Variants in RPS3 observed in about 807,000 individuals in gnomAD.
RPS3 encodes ribosomal protein S3, also known as small ribosomal subunit protein uS3.
A neutral mutation model predicts 25.8 loss-of-function variants in RPS3; 2 were observed. The ratio of observed to expected loss-of-function variants is 0.08; its 90% CI spans 0.03 to 0.24. The LOEUF is 0.24. RPS3 is among the 10% of genes least tolerant of loss of function. RPS3 has a pLI of 1.00. For synonymous variants in RPS3, 114 were observed against 114.2 expected (o/e 1.00, Z 0.01); for missense variants, 107 against 307.1 (o/e 0.35, Z 4.87).
At position 75,406,597 on chromosome 11, in the gene RPS3, G is replaced by GCGTA. The variant is rs1316101612; in HGVS notation, c.*989_*992dup. The GCGTA allele has an allele frequency of 2.6e-5, 4 of 152,136 alleles. No homozygotes were observed. The highest frequency in any genetic ancestry group is 5.9e-5 in the Non-Finnish European group (4 of 68,032). 9.4% of individuals were successfully genotyped at this position (152,136 alleles called of 1,614,324 possible). A position where few individuals can be genotyped will look rare whatever the true frequency, so the allele number is the denominator to read the frequency against. The stretch of plus-strand genomic sequence containing the variant: ...TTAATATTTGAGGTAATTATGTAGG[G>GCGTA]CGTACACTGACAAGTATCTGACCCC... On this transcript the variant is annotated 3_prime_UTR_variant, in exon 7 of 7. Transcript: ENST00000531188.
chr11:75,413,987 A>G (rs1245417804), intron 6 of RPS3, among the ~76,000 whole-genome samples: 1 of 152,192 alleles, frequency 6.6e-6, no homozygotes, highest in African/African-American at 2.4e-5. Flanking sequence ...AGTCTGGTCT[A>G]GGATGTCATC....
chr11:75,410,714 G>C (rs1263693595), downstream of RPS3, among the ~76,000 whole-genome samples: 96 of 149,342 alleles, frequency 6.4e-4, no homozygotes, highest in African/African-American at 2.3e-3. Flanking sequence ...CTGAGTGAAC[G>C]AGACTCCGTC....
At chr11:75,403,771 G>GAT in intron 4 of RPS3, 1 of 382,598 alleles carries the variant, frequency 2.6e-6, no homozygotes, top group Non-Finnish European at 4.7e-6. Flanking sequence ...TTTTATTTTA[G>GAT]CCTTCTGAGG....
intron 6 of RPS3, among the ~76,000 whole-genome samples, chr11:75,415,852 T>C (rs1244454780): frequency 1.3e-5 from 2 of 148,306 alleles, no homozygotes; most frequent in African/African-American, 5.0e-5. Flanking sequence ...GGCACATGCC[T>C]GTAATCCCAG....
chr11:75,409,434 T>G (rs1361166059), downstream of RPS3, among the ~76,000 whole-genome samples: 1 of 132,344 alleles, frequency 7.6e-6, no homozygotes, highest in African/African-American at 2.9e-5. Context: ...AAGCACATCT[T>G]GCACCGCCCT....
At chr11:75,408,896 T>C (rs182867156), downstream of RPS3, among the ~76,000 whole-genome samples, 2 of 152,310 alleles carry the variant, frequency 1.3e-5, no homozygotes, top group African/African-American at 4.8e-5. Flanking sequence ...AGGTGAGCAC[T>C]TGGTAACCAG....
rs775041504 is a variant in RPS3, at chr11:75,404,601, C to T, written c.539-71C>T. The T allele has an allele frequency of 2.7e-6, 4 of 1,472,228 alleles. No individual in the cohort carries two copies. The highest frequency in any genetic ancestry group is 3.8e-6 in the Non-Finnish European group (4 of 1,053,644). The allele number at this position is 1,472,228 out of a possible 1,614,324, so 91.2% of individuals were successfully genotyped here. A position where few individuals can be genotyped will look rare whatever the true frequency, so the allele number is the denominator to read the frequency against. ...CAGGGGTGCTTGAGTAAACTGCTTG[C>T]TCTCTTTGGTCTTGTGTGATGGGGG... On this transcript the variant is annotated intron_variant, in intron 5 of 6. Transcript: ENST00000531188. This position sits in a 1 kb window ranked among gnomAD's most constrained non-coding sequence, Gnocchi z 4.6.
chr11:75,413,955 G>C (rs1036735855), intron 6 of RPS3, among the ~76,000 whole-genome samples: 5 of 152,174 alleles, frequency 3.3e-5, no homozygotes, highest in Admixed American at 1.3e-4. Context: ...AGGGAACGCA[G>C]CCAAGGTCAT....
chr11:75,415,166 G>A (rs1312303090), intron 6 of RPS3, among the ~76,000 whole-genome samples: 2 of 152,210 alleles, frequency 1.3e-5, no homozygotes, highest in Non-Finnish European at 2.9e-5. Flanking sequence ...TTACTAAGGG[G>A]ACTTGAGATG....
intron 1 of RPS3, 60 bp downstream of exon 1, chr11:75,399,637 G>C: frequency 1.3e-6 from 2 of 1,498,504 alleles, no homozygotes; most frequent in South Asian, 1.1e-5. Context: ...AGGGCTTCTC[G>C]GGGTGCCACC....
At chr11:75,410,192 G>A (rs1177199141), downstream of RPS3, among the ~76,000 whole-genome samples, 4 of 151,832 alleles carry the variant, frequency 2.6e-5, no homozygotes, top group South Asian at 2.1e-4. Context: ...CCTCCTGGAC[G>A]GGGCGACTGG....
downstream of RPS3, among the ~76,000 whole-genome samples, chr11:75,410,158 G>A (rs573085515): frequency 1.3e-5 from 2 of 151,444 alleles, no homozygotes; most frequent in South Asian, 2.1e-4. Context: ...GGCTGGCCGG[G>A]CGGGGGGCTG....
chr11:75,405,838 T>A lies in RPS3; in HGVS notation c.*228T>A, dbSNP rs1948280226. The A allele has an allele frequency of 3.7e-6, 1 of 269,900 alleles. No homozygotes were observed. The highest frequency in any genetic ancestry group is 2.2e-5 in the African/African-American group (1 of 44,658). 16.7% of individuals were successfully genotyped at this position (269,900 alleles called of 1,614,324 possible). The stretch of plus-strand genomic sequence containing the variant: ...GCAGAGCCAACCAGAGAAATAATAT[T>A]TGTGTGATAGAGAAGGCTGATAGCA... On this transcript the variant is annotated 3_prime_UTR_variant, in exon 7 of 7. Transcript: ENST00000531188.
downstream of RPS3, among the ~76,000 whole-genome samples, chr11:75,409,482 C>G (rs1422211573): frequency 1.6e-5 from 2 of 128,046 alleles, no homozygotes; most frequent in Non-Finnish European, 3.3e-5. Flanking sequence ...GCACATGTTT[C>G]AGAGAGCACA....
chr11:75,410,333 C>T (rs1250963038), downstream of RPS3, among the ~76,000 whole-genome samples: 24 of 151,850 alleles, frequency 1.6e-4, no homozygotes, highest in South Asian at 4.8e-3. Flanking sequence ...GGCAGAGGCG[C>T]TCCTCACATC....
chr11:75,399,892 C>A, intron 1 of RPS3: 1 of 493,124 alleles, frequency 2.0e-6, no homozygotes, highest in Non-Finnish European at 3.6e-6. Context: ...GTGTCATTTC[C>A]CTCATGTCTT....
intron 6 of RPS3, among the ~76,000 whole-genome samples, chr11:75,416,211 C>T (rs1472027192): frequency 6.6e-6 from 1 of 152,170 alleles, no homozygotes; most frequent in African/African-American, 2.4e-5. Context: ...CCTATCACAG[C>T]AAGTGCCCAA....
At chr11:75,407,899 G>A (rs1348052018), downstream of RPS3, among the ~76,000 whole-genome samples, 3 of 152,212 alleles carry the variant, frequency 2.0e-5, no homozygotes, top group Non-Finnish European at 4.4e-5. Flanking sequence ...AGAAGTTAGT[G>A]CTGTTAATTC....
Position 75,406,763 on chromosome 11 carries a change from T to C in RPS3, c.*1153T>C, listed in dbSNP as rs1948293452. ...GGTCAAAAATAATCAAAAAGGATGG[T>C]TGTGTGTGTATTGAACATGTAGACT... On this transcript the variant is annotated 3_prime_UTR_variant, in exon 7 of 7. Coordinates refer to ENST00000531188, the MANE Select transcript of RPS3 (RefSeq NM_001005.5). 1 of 152,198 alleles carries C rather than the reference T, an allele frequency of 6.6e-6. No homozygotes were observed. Among genetic ancestry groups the C allele is most frequent in the Non-Finnish European group, 1.5e-5 (1 of 68,042 alleles). The allele number at this position is 152,198 out of a possible 1,614,324, so 9.4% of individuals were successfully genotyped here.
Sources: allele counts gnomAD v4.1 joint callset (sites outside exome capture counted in the v4.1 genomes callset), GRCh38; gene constraint gnomAD v4.1.1; non-coding constraint Gnocchi (gnomAD v3.1); transcripts MANE v1.5; gene names NCBI Gene and HGNC (gene_info 2026-07-23, HGNC 2026-07-21).